Variants in AKAP6 observed in about 807,000 individuals in gnomAD.
AKAP6 encodes the protein A-kinase anchoring protein 6.
A neutral mutation model predicts 188.5 loss-of-function variants in AKAP6; 58 were observed. The observed-to-expected ratio is 0.31, with a 90% CI of 0.25 to 0.38. The LOEUF (loss-of-function observed/expected upper bound fraction) is 0.38, where lower values mean the gene tolerates loss of function less well. Among genes scored for constraint, AKAP6 ranks in the 10% least tolerant of loss-of-function variants. AKAP6 has a pLI of 1.00. For synonymous variants in AKAP6, 989 were observed against 998.6 expected (o/e 0.99, Z 0.18); for missense variants, 2,710 against 2,740.0 (o/e 0.99, Z 0.24).
At chr14:32,581,494 TAG>T (rs1884964066) in intron 5 of AKAP6, among the ~76,000 whole-genome samples, 2 of 152,148 alleles carry the variant, frequency 1.3e-5, no homozygotes, top group Non-Finnish European at 2.9e-5. Context: ...GAGAGTTCTG[TAG>T]ATGTCTATTA....
At chr14:32,566,698 C>A (rs938279346) in intron 4 of AKAP6, among the ~76,000 whole-genome samples, 3 of 152,148 alleles carry the variant, frequency 2.0e-5, no homozygotes, top group African/African-American at 7.2e-5. Context: ...TGGCCTAGTG[C>A]TATCCAATAG....
chr14:32,784,064 T>G (rs569836774), intron 12 of AKAP6, among the ~76,000 whole-genome samples: 70 of 152,316 alleles, frequency 4.6e-4, no homozygotes, highest in Admixed American at 2.0e-3. Context: ...GAAGTTTTAA[T>G]TGTCAAAAAT....
rs763942215 is a variant in AKAP6, at chr14:32,751,595, G to A, written c.3372+15713G>A. 3.4e-5 allele frequency among the ~76,000 whole-genome samples: 5 copies of A among 146,330 alleles called. No homozygotes were observed. In the Admixed American group the frequency reaches 3.5e-4, roughly 10 times the overall value. On this transcript the variant is annotated intron_variant, in intron 11 of 13. Transcript: ENST00000280979. ...AAGTTTTACCCGCTGTTTGATTATC[G>A]TAATTTCTCTATATGTTTAGTTTCG...
At chr14:32,601,348 A>G (rs1340877248) in intron 7 of AKAP6, among the ~76,000 whole-genome samples, 5 of 152,218 alleles carry the variant, frequency 3.3e-5, no homozygotes, top group Non-Finnish European at 5.9e-5. Context: ...TGAGTTCTCC[A>G]TAATGGTACA....
intron 11 of AKAP6, among the ~76,000 whole-genome samples, chr14:32,741,471 G>A (rs113812804): frequency 2.5e-3 from 373 of 151,906 alleles, no homozygotes; most frequent in Middle Eastern, 0.02. Context: ...GTTTTCTCCC[G>A]TTCAATGTGA....
At chr14:32,688,790 C>CT (rs149828245) in intron 8 of AKAP6, among the ~76,000 whole-genome samples, 2,183 of 152,240 alleles carry the variant, frequency 0.014, 60 homozygotes, top group African/African-American at 0.05. Flanking sequence ...TAACTAAAAT[C>CT]TTGTAGTCCA....
intron 7 of AKAP6, among the ~76,000 whole-genome samples, chr14:32,665,058 C>A (rs66721154): frequency 3.3e-5 from 5 of 151,876 alleles, no homozygotes; most frequent in Admixed American, 6.6e-5. Flanking sequence ...TGTGATTTTC[C>A]TCTACTCTCA....
chr14:32,724,114 C>A (rs1030845195), intron 9 of AKAP6, among the ~76,000 whole-genome samples: 1 of 152,040 alleles, frequency 6.6e-6, no homozygotes, highest in South Asian at 2.1e-4. Flanking sequence ...TACTAGCATA[C>A]TGCTACATTT....
At chr14:32,811,462 T>C (rs967659233) in intron 12 of AKAP6, among the ~76,000 whole-genome samples, 1 of 152,074 alleles carries the variant, frequency 6.6e-6, no homozygotes, top group African/African-American at 2.4e-5. Flanking sequence ...TTTGTCCTCA[T>C]TGAGAATGAA....
intron 1 of AKAP6, among the ~76,000 whole-genome samples, chr14:32,335,830 T>C (rs1261468736): frequency 4.0e-5 from 6 of 149,394 alleles, no homozygotes; most frequent in East Asian, 4.0e-4. Context: ...TTTTTAATAC[T>C]ATCCTTTTCT....
intron 12 of AKAP6, among the ~76,000 whole-genome samples, chr14:32,779,405 G>C (rs1200153579): frequency 9.8e-5 from 7 of 71,726 alleles, no homozygotes; most frequent in Non-Finnish European, 1.2e-4. Flanking sequence ...GTGAGACTCT[G>C]TCTCAGGACC....
intron 9 of AKAP6, chr14:32,726,274 T>C: frequency 1.3e-5 from 12 of 912,904 alleles, no homozygotes; most frequent in Non-Finnish European, 1.4e-5. Context: ...CTCCTCAGTC[T>C]TCTTTTACAG....
At chr14:32,584,286 G>A (rs559156455) in intron 5 of AKAP6, among the ~76,000 whole-genome samples, 1 of 152,182 alleles carries the variant, frequency 6.6e-6, no homozygotes. Flanking sequence ...TAATGAGCAG[G>A]TAGCATATAC....
In AKAP6 at chr14:32,330,700, C is replaced by G. The variant is rs574297433; in HGVS notation, c.-35+1292C>G. 2.9e-5 allele frequency among the ~76,000 whole-genome samples: 4 copies of G among 137,926 alleles called. No homozygotes were observed. The Admixed American group carries it at 3.0e-4, about 10-fold the overall frequency. The allele number at this position is 137,926 out of a possible 152,430, so 90.5% of individuals were successfully genotyped here. The stretch of plus-strand genomic sequence containing the variant: ...AAAGCAGGAAAAGCAATACCTTTAG[C>G]TAGCTTGGAGTGATTTTTTTTTTTT... On this transcript the variant is annotated intron_variant, in intron 1 of 13. Transcript: ENST00000280979.
intron 2 of AKAP6, among the ~76,000 whole-genome samples, chr14:32,454,888 CCTCCTTCCCTCCTTCT>C (rs1455432067): frequency 0.072 from 4,832 of 67,310 alleles, 887 homozygotes; most frequent in African/African-American, 0.34. Flanking sequence ...TCCTTCCCTC[CCTCCTTCCCTCCTTCT>C]CTCCTTCCCT....
intron 5 of AKAP6, among the ~76,000 whole-genome samples, chr14:32,588,008 A>G (rs1264513417): frequency 6.6e-6 from 1 of 152,216 alleles, no homozygotes; most frequent in Non-Finnish European, 1.5e-5. Flanking sequence ...TAATTATGGA[A>G]CTTTGCTTAA....
At chr14:32,425,548 C>T (rs1890000403) in intron 1 of AKAP6, among the ~76,000 whole-genome samples, 1 of 151,562 alleles carries the variant, frequency 6.6e-6, no homozygotes, top group South Asian at 2.1e-4. Flanking sequence ...GAGATTGTGC[C>T]ACTGCATCCC....
chr14:32,785,469 T>A (rs1468479969), intron 12 of AKAP6, among the ~76,000 whole-genome samples: 1 of 152,146 alleles, frequency 6.6e-6, no homozygotes, highest in Non-Finnish European at 1.5e-5. Flanking sequence ...TCATTCAATG[T>A]TTTTTACTTT....
At chr14:32,565,199 A>T (rs1039864117) in intron 4 of AKAP6, among the ~76,000 whole-genome samples, 3 of 152,186 alleles carry the variant, frequency 2.0e-5, no homozygotes, top group African/African-American at 7.2e-5. Flanking sequence ...GGCTTATACA[A>T]CTAGCTGTCT....
Sources: gnomAD v4.1 joint callset for allele counts (sites outside exome capture counted in the v4.1 genomes callset) on GRCh38, gnomAD v4.1.1 for gene constraint, MANE v1.5 for transcripts, NCBI Gene and HGNC (gene_info 2026-07-23, HGNC 2026-07-21) for gene names.